CSMD1: variants seen among roughly 807,000 people sequenced by gnomAD.
CSMD1 encodes the protein CUB and Sushi multiple domains 1, also known as CUB and sushi domain-containing protein 1.
CSMD1 carries 213 observed loss-of-function variants against 417.5 expected under a neutral mutation model. The observed-to-expected ratio is 0.51, with a 90% confidence interval of 0.46 to 0.57. The LOEUF (loss-of-function observed/expected upper bound fraction) is 0.57. CSMD1 is among the 20% of genes least tolerant of loss of function. The pLI, the probability that CSMD1 is intolerant of heterozygous loss-of-function variation, is 0.00. For synonymous variants in CSMD1, 2,862 were observed against 1,736.8 expected, an observed-to-expected ratio of 1.65 and a Z score of -16.11; for missense variants, 6,923 against 4,529.7, an observed-to-expected ratio of 1.53 and a Z score of -15.17.
chr8:3,861,175 C>T (rs903072773), intron 5 of CSMD1, among the ~76,000 whole-genome samples: 1 of 152,144 alleles, frequency 6.6e-6, no homozygotes, highest in Admixed American at 6.6e-5. Flanking sequence ...CTTCATGACT[C>T]CTCACCTGTT....
At position 4,870,530 on chromosome 8, in the gene CSMD1, G is replaced by A. The variant is rs146357670; in HGVS notation, c.85+123802C>T. On this transcript the variant is annotated intron_variant, in intron 1 of 69. Transcript: ENST00000635120. Reference sequence around the variant, plus strand: ...CACATGCAACTTGGCCAAGGAGTCTGCATACATTCCTCTTCTCGTGTGTCA... The same window carrying A: ...CACATGCAACTTGGCCAAGGAGTCTACATACATTCCTCTTCTCGTGTGTCA... 1.6e-3 allele frequency among the ~76,000 whole-genome samples: 246 copies of A among 152,214 alleles called. 1 individual carries two copies. Among genetic ancestry groups the A allele is most frequent in the African/African-American group, 5.2e-3 (217 of 41,474 alleles).
chr8:4,851,847 A>G (rs769645971), intron 1 of CSMD1, among the ~76,000 whole-genome samples: 9 of 152,220 alleles, frequency 5.9e-5, no homozygotes, highest in Non-Finnish European at 1.0e-4. Flanking sequence ...TGAAGCCACC[A>G]TCACTAAAAT....
chr8:4,245,634 G>A (rs992174594), intron 3 of CSMD1, among the ~76,000 whole-genome samples: 2 of 152,006 alleles, frequency 1.3e-5, no homozygotes, highest in African/African-American at 4.8e-5. Context: ...ATCAAACCAA[G>A]GAAATCTTGA....
intron 1 of CSMD1, among the ~76,000 whole-genome samples, chr8:4,760,256 A>G (rs1350307): frequency 0.8 from 122,142 of 152,188 alleles, 49,232 homozygotes; most frequent in African/African-American, 0.85. Flanking sequence ...CTATTTGCTT[A>G]AAAAGGAATG....
chr8:3,419,137 G>A (rs117164876), intron 12 of CSMD1, among the ~76,000 whole-genome samples: 1,891 of 152,256 alleles, frequency 0.012, 44 homozygotes, highest in East Asian at 0.095. Flanking sequence ...CGCAAGCTGC[G>A]CTGTTCTCTA....
intron 1 of CSMD1, among the ~76,000 whole-genome samples, chr8:4,795,771 C>A (rs1172952275): frequency 1.3e-5 from 2 of 152,070 alleles, no homozygotes; most frequent in Non-Finnish European, 1.5e-5. Context: ...CCTGTGCACG[C>A]CTTCAGGTAC....
chr8:4,224,046 C>T (rs556345334), intron 3 of CSMD1, among the ~76,000 whole-genome samples: 2 of 152,038 alleles, frequency 1.3e-5, no homozygotes, highest in African/African-American at 2.4e-5. Flanking sequence ...AACATGCATA[C>T]GTAACCCTAC....
chr8:4,670,281 G>C (rs185080057), intron 1 of CSMD1, among the ~76,000 whole-genome samples: 1 of 152,254 alleles, frequency 6.6e-6, no homozygotes, highest in East Asian at 1.9e-4. Context: ...GCTCTCATTT[G>C]CCTCTTTTGA....
chr8:4,084,775 G>A (rs1344108406), intron 3 of CSMD1, among the ~76,000 whole-genome samples: 1 of 122,138 alleles, frequency 8.2e-6, no homozygotes, highest in Non-Finnish European at 1.6e-5. Flanking sequence ...TGGCTTTTAT[G>A]TAGCATTTCC....
At chr8:4,460,254 G>C (rs769749205) in intron 2 of CSMD1, among the ~76,000 whole-genome samples, 1 of 152,030 alleles carries the variant, frequency 6.6e-6, no homozygotes, top group Non-Finnish European at 1.5e-5. Context: ...AGGAGTTAAA[G>C]AAATCACTAG....
rs796497801 is a variant in CSMD1 at position 4,861,000 on chromosome 8, T to G, written c.85+133332A>C. Among the ~76,000 whole-genome samples the G allele has an allele frequency of 1.5e-4, 23 of 152,262 alleles. 1 individual carries two copies. Among genetic ancestry groups the G allele is most frequent in the African/African-American group, 5.5e-4 (23 of 41,530 alleles). ...TGCCAAAAATTCACGTTCTCACTAC[T>G]ATTGTAATACATATTCTAGGTGCTT... On this transcript the variant is annotated intron_variant, in intron 1 of 69. Transcript: ENST00000635120.
intron 26 of CSMD1, among the ~76,000 whole-genome samples, chr8:3,232,068 CT>C (rs1248773009): frequency 6.6e-6 from 1 of 152,192 alleles, no homozygotes; most frequent in Non-Finnish European, 1.5e-5. Flanking sequence ...GCTACCAACT[CT>C]AAGCAATAGA....
chr8:3,806,315 G>A (rs1800739171), intron 5 of CSMD1, among the ~76,000 whole-genome samples: 1 of 152,088 alleles, frequency 6.6e-6, no homozygotes, highest in Non-Finnish European at 1.5e-5. Flanking sequence ...AATTCTTTGG[G>A]TAATTAATAG....
chr8:4,094,709 G>C (rs183001271), intron 3 of CSMD1, among the ~76,000 whole-genome samples: 4 of 152,148 alleles, frequency 2.6e-5, no homozygotes, highest in Admixed American at 6.5e-5. Flanking sequence ...CTTCTAGAGA[G>C]ACAGGGCAGT....
At chr8:3,867,481 C>A (rs565504944) in intron 5 of CSMD1, among the ~76,000 whole-genome samples, 2 of 152,132 alleles carry the variant, frequency 1.3e-5, no homozygotes, top group African/African-American at 2.4e-5. Context: ...TATATCTGAC[C>A]TGCTGAAGAG....
chr8:3,808,665 T>C (rs1420370767), intron 5 of CSMD1, among the ~76,000 whole-genome samples: 3 of 152,168 alleles, frequency 2.0e-5, no homozygotes, highest in Non-Finnish European at 4.4e-5. Flanking sequence ...TTAGGTCTTG[T>C]TTGTAGGATA....
At chr8:4,172,145 A>C (rs1202969313) in intron 3 of CSMD1, among the ~76,000 whole-genome samples, 1 of 152,216 alleles carries the variant, frequency 6.6e-6, no homozygotes, top group African/African-American at 2.4e-5. Context: ...TAAAATTTGA[A>C]AAGATGGACC....
rs764029895 is a variant in CSMD1, at chr8:3,162,281, G to C, written c.5726-4C>G. 6.4e-7 allele frequency: 1 copy of C among 1,563,234 alleles called. No homozygotes were observed. The highest frequency in any genetic ancestry group is 1.1e-5 in the South Asian group (1 of 87,320). ...TGGCATGCAGCAAGACCTACAGCTA[G>C]AAATGCAAAGACAAATGCTAGAAAT... On this transcript the variant is annotated splice_region_variant and splice_polypyrimidine_tract_variant and intron_variant, in intron 37 of 69. Coordinates refer to ENST00000635120, the MANE Select transcript of CSMD1 (RefSeq NM_033225.6).
At chr8:4,134,684 C>G (rs887559650) in intron 3 of CSMD1, among the ~76,000 whole-genome samples, 4 of 152,130 alleles carry the variant, frequency 2.6e-5, no homozygotes, top group African/African-American at 7.2e-5. Flanking sequence ...ATCCCTACCG[C>G]CTTTGATTTC....
Sources: gnomAD v4.1 joint callset for allele counts (sites outside exome capture counted in the v4.1 genomes callset) on GRCh38, gnomAD v4.1.1 for gene constraint, MANE v1.5 for transcripts, NCBI Gene and HGNC (gene_info 2026-07-23, HGNC 2026-07-21) for gene names.